Variants in SDK2 observed in about 807,000 individuals in gnomAD.
The protein encoded by SDK2 is protein sidekick-2.
In SDK2, 105 loss-of-function variants were observed where a neutral mutation model predicts 253.9. That is an observed-to-expected ratio of 0.41 (90% CI 0.35 to 0.49). The LOEUF (loss-of-function observed/expected upper bound fraction) is 0.49. SDK2 is among the 20% of genes least tolerant of loss of function. SDK2 has a pLI of 0.06. For missense variants in SDK2, 2,608 were observed against 3,003.0 expected (o/e 0.87, Z 3.07); for synonymous variants, 1,249 against 1,234.9 (o/e 1.01, Z -0.24).
rs1290467976 is a variant in SDK2 at position 73,358,105 on chromosome 17, C to T, written c.5567G>A (p.Arg1856His). ...SGDPGKGPIT[R>H]YVIEARPSDE... ...TGAAGGTCTGGCCTCGATGACGTAG[C>T]GGGTGATGGGCCCTTTGCCCGGGTC... Residue 1856 changes from arginine (R) to histidine (H), a missense_variant, in exon 40 of 45, where the codon CGC (arginine) becomes CAC (histidine). Arg to His is a conservative substitution (Grantham distance 29, BLOSUM62 0). Around this residue, in one of 2 missense-constraint regions of SDK2, gnomAD observed 1,103 missense variants for 1,143.9 expected, o/e 0.96. Coordinates refer to ENST00000392650, the MANE Select transcript of SDK2 (RefSeq NM_001144952.2). 29 of 1,613,232 alleles carry T rather than the reference C, an allele frequency of 1.8e-5. No homozygotes were observed. The highest frequency in any genetic ancestry group is 2.1e-5 in the Non-Finnish European group (25 of 1,179,764).
At chr17:73,535,900 T>C (rs1057252111) in intron 1 of SDK2, among the ~76,000 whole-genome samples, 2 of 152,128 alleles carry the variant, frequency 1.3e-5, no homozygotes, top group African/African-American at 4.8e-5. Context: ...CTGGGGGTGA[T>C]GCATGCCCTC....
chr17:73,380,821 C>T, intron 34 of SDK2, 73 bp downstream of exon 34: 1 of 1,363,794 alleles, frequency 7.3e-7, no homozygotes, highest in South Asian at 1.2e-5. Flanking sequence ...GATCAGGTCT[C>T]TCAAGGAGGC....
At chr17:73,638,236 G>C (rs1452499242) in intron 1 of SDK2, among the ~76,000 whole-genome samples, 1 of 152,190 alleles carries the variant, frequency 6.6e-6, no homozygotes, top group Non-Finnish European at 1.5e-5. Context: ...CATTCATTCA[G>C]TCTTCATATT....
In SDK2 at chr17:73,483,678, TATA is replaced by T. The variant is rs1567799278; in HGVS notation, c.225-11463_225-11461del. Among the ~76,000 whole-genome samples the T allele has an allele frequency of 3.8e-3, 265 of 69,234 alleles. 19 individuals are homozygous for T. The highest frequency in any genetic ancestry group is 7.0e-3 in the Admixed American group (38 of 5,402). The allele number at this position is 69,234 out of a possible 152,430, so 45.4% of individuals were successfully genotyped here. ...GTGTGTGTGTATATATATATATATA[TATA>T]TTTATATATATATATATATATATAT... On this transcript the variant is annotated intron_variant, in intron 2 of 44. Transcript: ENST00000392650.
chr17:73,383,783 G>A lies in SDK2; in HGVS notation c.4705+93C>T. The A allele has an allele frequency of 6.6e-7, 1 of 1,511,820 alleles. No individual in the cohort carries two copies. The highest frequency in any genetic ancestry group is 9.1e-7 in the Non-Finnish European group (1 of 1,099,424). The allele number at this position is 1,511,820 out of a possible 1,614,324, so 93.7% of individuals were successfully genotyped here. On this transcript the variant is annotated intron_variant, in intron 33 of 44. Coordinates refer to ENST00000392650, the MANE Select transcript of SDK2 (RefSeq NM_001144952.2). This position sits in a 1 kb window ranked among gnomAD's most constrained non-coding sequence, Gnocchi z 4.3. ...AGGAGGGAGGCAAGGTTTCAGGTTA[G>A]AGTGGTTCCAGGAAGCTGAGAGCTC...
rs1188519177 is a variant in SDK2 at position 73,348,676 on chromosome 17, C to T, written c.6088G>A (p.Val2030Ile). The T allele has an allele frequency of 6.8e-6, 11 of 1,612,158 alleles. No homozygotes were observed. The East Asian group carries it at 2.2e-4, about 33-fold the overall frequency. ...GGGATGAGGTCGTTGTATTTGGTGA[C>T]ATCCTCATCCGAGTAGTGCAGGCTG... The part of the protein sequence containing the change: ...PGSLHYSDED[V>I]TKYNDLIPAE... Residue 2030 changes from valine to isoleucine, a missense_variant, in exon 44 of 45, where the codon GTC becomes ATC. Coordinates refer to ENST00000392650, the MANE Select transcript of SDK2 (RefSeq NM_001144952.2).
Position 73,546,445 on chromosome 17 carries a change from C to G in SDK2, c.65-38848G>C, listed in dbSNP as rs558576958. Among the ~76,000 whole-genome samples, 291 of 152,344 alleles carry G rather than the reference C, an allele frequency of 1.9e-3. 2 individuals are homozygous for G. Among genetic ancestry groups the G allele is most frequent in the Non-Finnish European group, 3.2e-3 (221 of 68,024 alleles). On this transcript the variant is annotated intron_variant, in intron 1 of 44. Coordinates refer to ENST00000392650, the MANE Select transcript of SDK2 (RefSeq NM_001144952.2). ...GGAGCCGCAGGCAGGGCAGAGAAAGCAGGAGAATGTGGAACAGCCTTGGCC... is the reference window on the plus strand; with the variant it reads ...GGAGCCGCAGGCAGGGCAGAGAAAGGAGGAGAATGTGGAACAGCCTTGGCC...
intron 5 of SDK2, among the ~76,000 whole-genome samples, chr17:73,446,843 C>G (rs1351851377): frequency 2.0e-5 from 3 of 152,154 alleles, no homozygotes; most frequent in African/African-American, 7.2e-5. Context: ...GCTGTCCACC[C>G]CTCCCTCCTT....
intron 1 of SDK2, among the ~76,000 whole-genome samples, chr17:73,529,326 G>A (rs2064151234): frequency 6.6e-6 from 1 of 152,166 alleles, no homozygotes; most frequent in South Asian, 2.1e-4. Flanking sequence ...ACTTTGGAAA[G>A]GCCACCTTAG....
chr17:73,424,120 A>G (rs1020304063), intron 12 of SDK2, 28 bp from the exon 13 acceptor site: 3 of 1,588,752 alleles, frequency 1.9e-6, no homozygotes, highest in Non-Finnish European at 2.6e-6. Flanking sequence ...CCGTAAGTAC[A>G]GAGGGAGAGG....
intron 41 of SDK2, among the ~76,000 whole-genome samples, chr17:73,351,947 G>T (rs572936700): frequency 6.0e-4 from 91 of 152,034 alleles, no homozygotes; most frequent in African/African-American, 2.0e-3. Flanking sequence ...AACATTTTGG[G>T]TCAAGGGTTT....
rs1446681375 is a variant in SDK2, at chr17:73,570,071, G to C, written c.65-62474C>G. ...TCAGGCTTCGGCTGGGGAAGGAAGAGAGTCAGGCGGCCCCATGACTCTCCC... is the reference window on the plus strand; with the variant it reads ...TCAGGCTTCGGCTGGGGAAGGAAGACAGTCAGGCGGCCCCATGACTCTCCC... On this transcript the variant is annotated intron_variant, in intron 1 of 44. Transcript: ENST00000392650. This position sits in a 1 kb window ranked among gnomAD's most constrained non-coding sequence, Gnocchi z 4.2. 6.6e-6 allele frequency among the ~76,000 whole-genome samples: 1 copy of C among 152,168 alleles called. No individual in the cohort carries two copies. Among genetic ancestry groups the C allele is most frequent in the African/African-American group, 2.4e-5 (1 of 41,424 alleles).
At chr17:73,539,639 A>G (rs1032371261) in intron 1 of SDK2, among the ~76,000 whole-genome samples, 2 of 152,202 alleles carry the variant, frequency 1.3e-5, no homozygotes, top group East Asian at 3.9e-4. Flanking sequence ...TTATGGGTAA[A>G]ATTGAGTCCC....
chr17:73,546,352 A>C, intron 1 of SDK2, among the ~76,000 whole-genome samples: 1 of 152,198 alleles, frequency 6.6e-6, no homozygotes, highest in East Asian at 1.9e-4. Flanking sequence ...TTTAATAGGC[A>C]CTTTTGCTCT....
At chr17:73,385,161 G>A (rs2062862052) in intron 32 of SDK2, among the ~76,000 whole-genome samples, 1 of 152,156 alleles carries the variant, frequency 6.6e-6, no homozygotes, top group Non-Finnish European at 1.5e-5. Context: ...TAGAGATGGG[G>A]TTTTGCCAGG....
chr17:73,422,391 A>G lies in SDK2; in HGVS notation c.1941T>C (p.Ala647=), dbSNP rs1402226867. Residue 647 remains alanine (A), a synonymous_variant, in exon 15 of 45, where the codon GCT becomes GCC. Transcript: ENST00000392650. Reference sequence around the variant, plus strand: ...CCAGGCCCTTGACTGTCACTGAGGTAGCTTTGGGGTCCACACTGGCCAGGA... The same window carrying G: ...CCAGGCCCTTGACTGTCACTGAGGTGGCTTTGGGGTCCACACTGGCCAGGA... The part of the protein sequence containing the change: ...TVLLASVDPK[A]TSVTVKGLVP... 2 of 1,613,824 alleles carry G rather than the reference A, an allele frequency of 1.2e-6. No individual in the cohort carries two copies. Among genetic ancestry groups the G allele is most frequent in the Non-Finnish European group, 1.7e-6 (2 of 1,179,880 alleles).
rs912712293 is a variant in SDK2, at chr17:73,618,451, A to G, written c.64+25574T>C. 6.6e-6 allele frequency among the ~76,000 whole-genome samples: 1 copy of G among 152,234 alleles called. No individual in the cohort carries two copies. The highest frequency in any genetic ancestry group is 1.5e-5 in the Non-Finnish European group (1 of 68,044). ...CTATGGAGCCACAAGGATTCAAGGA[A>G]GCATCACTCCTTTGCCCTTTTAGAA... is the stretch of plus-strand genomic sequence containing the variant. On this transcript the variant is annotated intron_variant, in intron 1 of 44. Coordinates refer to ENST00000392650, the MANE Select transcript of SDK2 (RefSeq NM_001144952.2). This position sits in a 1 kb window ranked among gnomAD's most constrained non-coding sequence, Gnocchi z 4.1.
intron 1 of SDK2, among the ~76,000 whole-genome samples, chr17:73,633,370 G>A (rs2046292352): frequency 1.3e-5 from 2 of 152,196 alleles, no homozygotes; most frequent in Non-Finnish European, 2.9e-5. Context: ...CTGCATGGCC[G>A]GATACCCCAG....
At chr17:73,438,758 G>A (rs1053305472) in intron 6 of SDK2, among the ~76,000 whole-genome samples, 4 of 152,132 alleles carry the variant, frequency 2.6e-5, no homozygotes, top group Admixed American at 2.6e-4. Flanking sequence ...CGAGACTTGG[G>A]TCTGTCCAGA....
Sources: gnomAD v4.1 joint callset for allele counts (sites outside exome capture counted in the v4.1 genomes callset) on GRCh38, gnomAD v4.1.1 for gene constraint, gnomAD v4.1.1 regional missense constraint, Gnocchi (gnomAD v3.1) non-coding constraint, MANE v1.5 for transcripts, NCBI Gene and HGNC (gene_info 2026-07-23, HGNC 2026-07-21) for gene names.